Variants in GRIA4 observed in about 807,000 individuals in gnomAD.
The protein encoded by GRIA4 is glutamate ionotropic receptor AMPA type subunit 4, also known as glutamate receptor 4.
A neutral mutation model predicts 104.0 loss-of-function variants in GRIA4; 34 were observed. The observed-to-expected ratio is 0.33, with a 90% CI of 0.25 to 0.44. The LOEUF is 0.44. Among genes scored for constraint, GRIA4 ranks in the 20% least tolerant of loss-of-function variants. The probability of loss-of-function intolerance (pLI) is 1.00; values close to 1 mark genes in which losing one functional copy is unlikely to be tolerated. For synonymous variants in GRIA4, 386 were observed against 381.9 expected, an observed-to-expected ratio of 1.01 and a Z score of -0.13; for missense variants, 750 against 1,096.5, an observed-to-expected ratio of 0.68 and a Z score of 4.46.
chr11:105,619,488 G>T (rs898913868), intron 3 of GRIA4, among the ~76,000 whole-genome samples: 6 of 151,070 alleles, frequency 4.0e-5, no homozygotes, highest in African/African-American at 1.5e-4. Flanking sequence ...TTGATATTTC[G>T]TAGAAAATTT....
rs577808119 is a variant in GRIA4 at position 105,648,363 on chromosome 11, A to G, written c.247+35929A>G. 1.6e-4 allele frequency among the ~76,000 whole-genome samples: 24 copies of G among 151,642 alleles called. No homozygotes were observed. In the South Asian group the frequency reaches 4.8e-3, roughly 30 times the overall value. On this transcript the variant is annotated intron_variant, in intron 3 of 16. Transcript: ENST00000282499. ...ACTTAAAAGTATAGAATAAGATTAT[A>G]GTAATTGGATATTTACACAATAATA...
At chr11:105,806,665 A>G (rs73554211) in intron 4 of GRIA4, among the ~76,000 whole-genome samples, 1,706 of 151,818 alleles carry the variant, frequency 0.011, 35 homozygotes, top group African/African-American at 0.039. Context: ...TGTATATTGA[A>G]TGGTACCCAG....
At chr11:105,697,750 T>C (rs1206188100) in intron 3 of GRIA4, among the ~76,000 whole-genome samples, 3 of 152,112 alleles carry the variant, frequency 2.0e-5, no homozygotes, top group Non-Finnish European at 4.4e-5. Context: ...GTGAAATGAG[T>C]GCAAATTGTG....
intron 2 of GRIA4, among the ~76,000 whole-genome samples, chr11:105,611,508 TACAGAAAGAC>T (rs1173133316): frequency 6.6e-6 from 1 of 152,200 alleles, no homozygotes; most frequent in Non-Finnish European, 1.5e-5. Context: ...TTCTTGCTAT[TACAGAAAGAC>T]ACTGTTTGAG....
chr11:105,933,487 G>A (rs1263053944), intron 13 of GRIA4, among the ~76,000 whole-genome samples: 1 of 151,902 alleles, frequency 6.6e-6, no homozygotes, highest in African/African-American at 2.4e-5. Context: ...AGAGGTTTGG[G>A]CTTCTTCAGA....
rs907202972 is a variant in GRIA4, at chr11:105,746,537, A to C, written c.248-6444A>C. On this transcript the variant is annotated intron_variant, in intron 3 of 16. Transcript: ENST00000282499. ...AAATTTCTGCACTATCAGGATTGAC[A>C]AGTCATAGAAAAGTTAAATATTTTA... 2.0e-5 allele frequency among the ~76,000 whole-genome samples: 3 copies of C among 152,086 alleles called. No individual in the cohort carries two copies. In the South Asian group the frequency reaches 6.2e-4, roughly 32 times the overall value.
At chr11:105,946,025 C>A (rs1232345069) in intron 14 of GRIA4, among the ~76,000 whole-genome samples, 1 of 152,010 alleles carries the variant, frequency 6.6e-6, no homozygotes, top group Non-Finnish European at 1.5e-5. Flanking sequence ...TGAAGCTATA[C>A]AAACTTAGTG....
At chr11:105,921,209 T>C (rs1038580089) in intron 11 of GRIA4, among the ~76,000 whole-genome samples, 1 of 152,032 alleles carries the variant, frequency 6.6e-6, no homozygotes, top group Admixed American at 6.6e-5. Context: ...CACACTCAGG[T>C]CCTTTTTGCT....
At chr11:105,957,942 G>C (rs1460052868) in intron 14 of GRIA4, among the ~76,000 whole-genome samples, 1 of 152,164 alleles carries the variant, frequency 6.6e-6, no homozygotes, top group Non-Finnish European at 1.5e-5. Flanking sequence ...GAATGCTTGT[G>C]ATTTTTGGAC....
chr11:105,674,574 A>G (rs1466704859), intron 3 of GRIA4, among the ~76,000 whole-genome samples: 1 of 151,928 alleles, frequency 6.6e-6, no homozygotes, highest in African/African-American at 2.4e-5. Flanking sequence ...TAGTTGGACT[A>G]CATGACTTCC....
At chr11:105,662,635 T>G (rs1014864747) in intron 3 of GRIA4, among the ~76,000 whole-genome samples, 5 of 151,988 alleles carry the variant, frequency 3.3e-5, no homozygotes, top group African/African-American at 1.2e-4. Context: ...ACTTCTTTAC[T>G]CATTCTTTAC....
rs1019247713 is a variant in GRIA4, at chr11:105,979,793, C to T, written c.*54C>T. 5 of 1,414,684 alleles carry T rather than the reference C, an allele frequency of 3.5e-6. No homozygotes were observed. The highest frequency in any genetic ancestry group is 2.8e-5 in the African/African-American group (2 of 70,538). The allele number at this position is 1,414,684 out of a possible 1,614,324, so 87.6% of individuals were successfully genotyped here. A position where few individuals can be genotyped will look rare whatever the true frequency, so the allele number is the denominator to read the frequency against. The stretch of plus-strand genomic sequence containing the variant: ...TTAAACTGTTGGTGACTGGTGGAAA[C>T]GCAGCCCTGAGGGACACGCCACGCG... On this transcript the variant is annotated 3_prime_UTR_variant, in exon 17 of 17. Transcript: ENST00000282499.
intron 3 of GRIA4, among the ~76,000 whole-genome samples, chr11:105,711,551 C>T (rs1205752653): frequency 2.0e-5 from 3 of 152,100 alleles, no homozygotes; most frequent in Non-Finnish European, 4.4e-5. Flanking sequence ...TCTGTATACT[C>T]TCACCGGCGA....
chr11:105,813,112 A>AAAC (rs1591296206), intron 4 of GRIA4, among the ~76,000 whole-genome samples: 3 of 145,260 alleles, frequency 2.1e-5, no homozygotes, highest in Non-Finnish European at 3.0e-5. Flanking sequence ...AAAAAAAAAA[A>AAAC]AAAGAAGAAA....
intron 14 of GRIA4, among the ~76,000 whole-genome samples, chr11:105,962,843 C>T (rs1471923314): frequency 6.6e-6 from 1 of 152,092 alleles, no homozygotes; most frequent in Non-Finnish European, 1.5e-5. Context: ...TTTCAACTGA[C>T]TTTGCAAAAG....
intron 4 of GRIA4, among the ~76,000 whole-genome samples, chr11:105,842,228 C>T (rs2509477): frequency 3.9e-5 from 6 of 152,116 alleles, no homozygotes; most frequent in Admixed American, 3.3e-4. Flanking sequence ...CAAGGACAGG[C>T]GAAGGGTGTC....
intron 5 of GRIA4, among the ~76,000 whole-genome samples, chr11:105,879,672 T>C (rs999142846): frequency 1.3e-5 from 2 of 152,216 alleles, no homozygotes; most frequent in Non-Finnish European, 2.9e-5. Flanking sequence ...GTATATATAC[T>C]GTTATTCAAA....
chr11:105,849,893 GAACT>G (rs1944739309), intron 4 of GRIA4, among the ~76,000 whole-genome samples: 1 of 152,056 alleles, frequency 6.6e-6, no homozygotes, highest in Non-Finnish European at 1.5e-5. Flanking sequence ...AAAAGGATTT[GAACT>G]AACAAATTAC....
rs566557206 is a variant in GRIA4, at chr11:105,883,619, T to C, written c.673-3900T>C. ...AAGGACACAAACTCATCATTTTTTA[T>C]GGCTGCATAGTATTCCATGGTGTAT... On this transcript the variant is annotated intron_variant, in intron 5 of 16. Transcript: ENST00000282499. 4.7e-4 allele frequency among the ~76,000 whole-genome samples: 72 copies of C among 152,308 alleles called. 3 individuals are homozygous for C. The South Asian group carries it at 0.015, about 31-fold the overall frequency.
Sources: allele counts gnomAD v4.1 joint callset (sites outside exome capture counted in the v4.1 genomes callset), GRCh38; gene constraint gnomAD v4.1.1; transcripts MANE v1.5; gene names NCBI Gene and HGNC (gene_info 2026-07-23, HGNC 2026-07-21).